PUM1: variants seen among roughly 807,000 people sequenced by gnomAD.
PUM1 encodes the protein pumilio homolog 1.
In PUM1, 13 loss-of-function variants were observed where a neutral mutation model predicts 131.8. The observed-to-expected ratio is 0.10, with a 90% CI of 0.06 to 0.16. PUM1 has a LOEUF of 0.16. Ranked by LOEUF, PUM1 falls within the 10% of genes least tolerant of loss-of-function variation. PUM1 has a pLI of 1.00. For synonymous variants in PUM1, 509 were observed against 556.5 expected, an observed-to-expected ratio of 0.91 and a Z score of 1.20; for missense variants, 961 against 1,512.4, an observed-to-expected ratio of 0.64 and a Z score of 6.05.
chr1:31,023,713 G>C (rs1643117619), intron 3 of PUM1, among the ~76,000 whole-genome samples: 1 of 151,596 alleles, frequency 6.6e-6, no homozygotes, highest in Non-Finnish European at 1.5e-5. Context: ...GATGGATCAC[G>C]AAGTCAAGAG....
intron 2 of PUM1, among the ~76,000 whole-genome samples, chr1:31,031,949 C>A (rs1232016071): frequency 1.3e-5 from 2 of 152,006 alleles, no homozygotes; most frequent in African/African-American, 4.8e-5. Context: ...CTCACCCTCC[C>A]CACCTCCCTC....
At chr1:30,941,355 C>A in intron 19 of PUM1, 83 bp from the exon 20 acceptor site, 1 of 1,401,352 alleles carries the variant, frequency 7.1e-7, no homozygotes, top group South Asian at 1.4e-5. Context: ...CTAATTAAAA[C>A]CTGTCTTTCT....
At chr1:31,037,625 C>A (rs1006365420) in intron 2 of PUM1, among the ~76,000 whole-genome samples, 1 of 151,836 alleles carries the variant, frequency 6.6e-6, no homozygotes, top group Admixed American at 6.6e-5. Context: ...CAGGCTGAGG[C>A]AGGATAACTG....
At chr1:30,933,371 T>C (rs550769326) in intron 21 of PUM1, 29 bp from the exon 22 acceptor site, 2 of 1,607,164 alleles carry the variant, frequency 1.2e-6, no homozygotes, top group South Asian at 2.2e-5. Flanking sequence ...CTGTGTTACA[T>C]GGCCTGAGAT....
At chr1:31,003,523 G>C (rs1197971594) in intron 5 of PUM1, among the ~76,000 whole-genome samples, 1 of 152,144 alleles carries the variant, frequency 6.6e-6, no homozygotes, top group East Asian at 1.9e-4. Flanking sequence ...TTGGGAGGCT[G>C]AGGTGGGAAG....
At chr1:31,010,832 T>C (rs930332631) in intron 3 of PUM1, among the ~76,000 whole-genome samples, 2 of 152,222 alleles carry the variant, frequency 1.3e-5, no homozygotes, top group African/African-American at 4.8e-5. Flanking sequence ...AGGAAAGTCA[T>C]GCCTAGGTTC....
At chr1:31,040,539 G>A (rs1392026541) in intron 2 of PUM1, among the ~76,000 whole-genome samples, 1 of 152,096 alleles carries the variant, frequency 6.6e-6, no homozygotes, top group African/African-American at 2.4e-5. Context: ...AAATAGGATG[G>A]GTATTCACAA....
chr1:30,997,589 G>A (rs752606699), intron 5 of PUM1, among the ~76,000 whole-genome samples: 124 of 150,994 alleles, frequency 8.2e-4, no homozygotes, highest in Non-Finnish European at 1.4e-3. Flanking sequence ...TGCAGGGGAT[G>A]TGCACTAGTC....
At chr1:31,031,251 G>C (rs763984958) in intron 2 of PUM1, among the ~76,000 whole-genome samples, 3 of 152,176 alleles carry the variant, frequency 2.0e-5, no homozygotes, top group Non-Finnish European at 2.9e-5. Flanking sequence ...TCTTTCTGTG[G>C]AATCTAATTA....
intron 2 of PUM1, among the ~76,000 whole-genome samples, chr1:31,031,015 A>T (rs1330546021): frequency 6.6e-6 from 1 of 152,238 alleles, no homozygotes; most frequent in Non-Finnish European, 1.5e-5. Context: ...TGTTTTAAAA[A>T]GGCCCTGAAA....
At chr1:30,983,420 A>G (rs781781400) in intron 7 of PUM1, among the ~76,000 whole-genome samples, 2 of 152,196 alleles carry the variant, frequency 1.3e-5, no homozygotes, top group Non-Finnish European at 2.9e-5. Context: ...CCTACTGCAA[A>G]CAAAAGAATT....
chr1:31,038,023 G>A (rs1643671287), intron 2 of PUM1, among the ~76,000 whole-genome samples: 1 of 150,386 alleles, frequency 6.6e-6, no homozygotes, highest in African/African-American at 2.4e-5. Flanking sequence ...AAGTTGCAGT[G>A]AGCCGAGATT....
chr1:31,058,929 C>A (rs191815721), intron 2 of PUM1, among the ~76,000 whole-genome samples: 185 of 151,662 alleles, frequency 1.2e-3, no homozygotes, highest in Middle Eastern at 0.01. Context: ...GAGATCAAGC[C>A]GAGATCAGGC....
intron 15 of PUM1, among the ~76,000 whole-genome samples, chr1:30,952,619 G>A (rs1190356300): frequency 7.3e-6 from 1 of 137,496 alleles, no homozygotes; most frequent in Non-Finnish European, 1.5e-5. Flanking sequence ...TTTCATTCCA[G>A]TAGGGCATGC....
At chr1:30,979,788 G>A (rs1243347944) in intron 9 of PUM1, among the ~76,000 whole-genome samples, 4 of 152,116 alleles carry the variant, frequency 2.6e-5, no homozygotes, top group South Asian at 2.1e-4. Flanking sequence ...GGCAAGGGGG[G>A]AAATTCCCAA....
chr1:30,994,484 C>T (rs1264372235), intron 6 of PUM1, among the ~76,000 whole-genome samples: 2 of 152,060 alleles, frequency 1.3e-5, no homozygotes, highest in African/African-American at 4.8e-5. Context: ...TTAATCATGA[C>T]CAGAGATGGA....
intron 14 of PUM1, among the ~76,000 whole-genome samples, chr1:30,954,182 T>C (rs1640057450): frequency 6.6e-6 from 1 of 152,158 alleles, no homozygotes; most frequent in African/African-American, 2.4e-5. Flanking sequence ...GCACAAAGAT[T>C]GAGAAGGGAA....
rs1244552399 is a variant in PUM1 at position 30,992,490 on chromosome 1, A to G, written c.1058T>C (p.Val353Ala). ...QSVPLDPMEH[V>A]GMEPLQFDYS... Reference sequence around the variant, plus strand: ...ATCAAACTGAAGAGGCTCCATGCCCACATGTTCCATGGGGTCCAAGGGGAC... The same window carrying G: ...ATCAAACTGAAGAGGCTCCATGCCCGCATGTTCCATGGGGTCCAAGGGGAC... Residue 353 changes from valine (V) to alanine (A), a missense_variant, in exon 7 of 22, where the codon GTG (valine) becomes GCG (alanine). This residue lies in a region of PUM1 where 654 missense variants were observed against 923.9 expected (regional missense o/e 0.71). Transcript: ENST00000426105. 6.2e-7 allele frequency: 1 copy of G among 1,614,218 alleles called. No individual in the cohort carries two copies. The highest frequency in any genetic ancestry group is 1.1e-5 in the South Asian group (1 of 91,092).
intron 2 of PUM1, among the ~76,000 whole-genome samples, chr1:31,034,176 T>C (rs1643529211): frequency 6.6e-6 from 1 of 152,202 alleles, no homozygotes; most frequent in Admixed American, 6.5e-5. Context: ...GTTCAGTTCT[T>C]GTACTTGCTT....
Sources: gnomAD v4.1 joint callset for allele counts (sites outside exome capture counted in the v4.1 genomes callset) on GRCh38, gnomAD v4.1.1 for gene constraint, gnomAD v4.1.1 regional missense constraint, MANE v1.5 for transcripts, NCBI Gene and HGNC (gene_info 2026-07-23, HGNC 2026-07-21) for gene names.